Variants in CUL2 observed in about 807,000 individuals in gnomAD.
CUL2 encodes cullin-2.
A neutral mutation model predicts 110.2 loss-of-function variants in CUL2; 22 were observed. The observed-to-expected ratio is 0.20, with a 90% CI of 0.14 to 0.28. The LOEUF (loss-of-function observed/expected upper bound fraction) is 0.28. CUL2 is among the 10% of genes least tolerant of loss of function. The pLI, the probability that CUL2 is intolerant of heterozygous loss-of-function variation, is 1.00. For missense variants in CUL2, 631 were observed against 905.5 expected (o/e 0.70, Z 3.89); for synonymous variants, 279 against 293.2 (o/e 0.95, Z 0.49).
At chr10:35,089,013 TA>T (rs2087133080) in intron 1 of CUL2, among the ~76,000 whole-genome samples, 1 of 152,074 alleles carries the variant, frequency 6.6e-6, no homozygotes, top group South Asian at 2.1e-4. Flanking sequence ...CCATCTCCAC[TA>T]AAAATACAAA....
Position 35,028,234 on chromosome 10 carries a change from T to A in CUL2, c.1617+576A>T, listed in dbSNP as rs1009319603. Reference sequence around the variant, plus strand: ...CTACAATCTCTTTTCAAAGAAGATGTAAGAAGTCCTAATTTAGCCTCCTAT... The same window carrying A: ...CTACAATCTCTTTTCAAAGAAGATGAAAGAAGTCCTAATTTAGCCTCCTAT... On this transcript the variant is annotated intron_variant, in intron 16 of 20. Coordinates refer to ENST00000374749, the MANE Select transcript of CUL2 (RefSeq NM_003591.4). Among the ~76,000 whole-genome samples the A allele has an allele frequency of 1.3e-4, 20 of 152,350 alleles. No individual in the cohort carries two copies. In the East Asian group the frequency reaches 2.9e-3, roughly 22 times the overall value.
intron 19 of CUL2, 23 bp from the exon 20 acceptor site, chr10:35,011,987 A>G (rs1269864343): frequency 7.1e-7 from 1 of 1,404,848 alleles, no homozygotes; most frequent in South Asian, 1.2e-5. Flanking sequence ...AGAAAAGAAA[A>G]AAGACCCAAC....
chr10:35,071,864 G>C (rs1275132328), intron 1 of CUL2, among the ~76,000 whole-genome samples: 1 of 152,158 alleles, frequency 6.6e-6, no homozygotes, highest in African/African-American at 2.4e-5. Flanking sequence ...CAAGCTCTAG[G>C]AAATGGAAAG....
At chr10:35,077,680 G>A (rs929857937) in intron 1 of CUL2, among the ~76,000 whole-genome samples, 4 of 151,524 alleles carry the variant, frequency 2.6e-5, no homozygotes, top group Non-Finnish European at 4.4e-5. Flanking sequence ...AGCCGGGCAC[G>A]GTGGCACATG....
chr10:35,065,381 G>A (rs2086491236), intron 2 of CUL2, among the ~76,000 whole-genome samples: 1 of 152,178 alleles, frequency 6.6e-6, no homozygotes, highest in Admixed American at 6.5e-5. Flanking sequence ...AGCACTTTAG[G>A]AGGCCAAGGT....
chr10:35,031,073 G>A lies in CUL2; in HGVS notation c.1386+227C>T, dbSNP rs2085469921. ...TTTTAGGTGTATTCATTTATAAGTA[G>A]TAATAATCTTTTATCATTAATACTG... On this transcript the variant is annotated intron_variant, in intron 14 of 20. Transcript: ENST00000374749. The surrounding 1 kb of genome is among the most constrained non-coding windows in gnomAD (Gnocchi z 4.4). Among the ~76,000 whole-genome samples the A allele has an allele frequency of 6.6e-6, 1 of 152,136 alleles. No individual in the cohort carries two copies. Among genetic ancestry groups the A allele is most frequent in the Non-Finnish European group, 1.5e-5 (1 of 68,026 alleles).
intron 1 of CUL2, among the ~76,000 whole-genome samples, chr10:35,079,175 T>G (rs181338774): frequency 6.6e-6 from 1 of 152,194 alleles, no homozygotes; most frequent in Admixed American, 6.5e-5. Flanking sequence ...CAGTAAGATA[T>G]AACAATTATA....
intron 1 of CUL2, among the ~76,000 whole-genome samples, chr10:35,101,267 G>A (rs533455807): frequency 1.1e-4 from 17 of 152,294 alleles, no homozygotes; most frequent in South Asian, 2.1e-4. Context: ...ACCTGATGCC[G>A]CTGGCAATAG....
intron 16 of CUL2, among the ~76,000 whole-genome samples, chr10:35,026,638 C>T (rs772446986): frequency 3.2e-4 from 49 of 152,108 alleles, no homozygotes; most frequent in Non-Finnish European, 4.3e-4. Flanking sequence ...TTCATCCTTA[C>T]ATTTAAAATC....
chr10:35,121,649 C>T (rs761812406), intron 1 of CUL2, among the ~76,000 whole-genome samples: 16 of 151,892 alleles, frequency 1.1e-4, no homozygotes, highest in Non-Finnish European at 2.1e-4. Context: ...TTCCTCATGC[C>T]TTTCTTCTCC....
In CUL2 at chr10:35,038,992, G is replaced by A. The variant is rs200104650; in HGVS notation, c.805C>T (p.Arg269Ter). The change falls in exon 9 of 21, where the codon CGA becomes TGA. Residue 269 changes from arginine to a stop codon, truncating the protein, a stop_gained. Coordinates refer to ENST00000374749, the MANE Select transcript of CUL2 (RefSeq NM_003591.4). LOFTEE classifies it high-confidence loss of function. The stretch of plus-strand genomic sequence containing the variant: ...AACTGTAAGTGGTCTGCTACCATTC[G>A]TTGTTGACATTCATGAATCACCTTA... ...YTKVIHECQQ[R>*]MVADHLQFLH... is the part of the protein sequence containing the mutation. The A allele has an allele frequency of 1.2e-6, 2 of 1,609,486 alleles. No homozygotes were observed. Among genetic ancestry groups the A allele is most frequent in the Admixed American group, 1.7e-5 (1 of 59,688 alleles).
At chr10:35,043,774 T>G (rs2085860278) in intron 8 of CUL2, among the ~76,000 whole-genome samples, 1 of 152,106 alleles carries the variant, frequency 6.6e-6, no homozygotes, top group Non-Finnish European at 1.5e-5. Context: ...AGTGATCAAT[T>G]AAAATTTCTT....
intron 1 of CUL2, among the ~76,000 whole-genome samples, chr10:35,122,152 G>A (rs2087685539): frequency 6.6e-6 from 1 of 152,084 alleles, no homozygotes; most frequent in African/African-American, 2.4e-5. Context: ...TTTAAATTGG[G>A]CACACTATCT....
At chr10:35,060,527 G>A (rs930745411) in intron 4 of CUL2, among the ~76,000 whole-genome samples, 1 of 152,174 alleles carries the variant, frequency 6.6e-6, no homozygotes, top group African/African-American at 2.4e-5. Flanking sequence ...ATATCGAGGG[G>A]ACATGAGCTG....
At chr10:35,052,206 ATTAAGCATCTGTCT>A (rs1417584364) in intron 5 of CUL2, among the ~76,000 whole-genome samples, 2 of 152,148 alleles carry the variant, frequency 1.3e-5, no homozygotes, top group African/African-American at 4.8e-5. Flanking sequence ...TCCATTGGTA[ATTAAGCATCTGTCT>A]TCCCACAAGG....
intron 4 of CUL2, among the ~76,000 whole-genome samples, chr10:35,055,910 C>T (rs187955732): frequency 2.0e-5 from 3 of 152,230 alleles, no homozygotes; most frequent in Admixed American, 2.0e-4. Context: ...CCTAAGTGCC[C>T]CATCCCAGAT....
chr10:35,015,026 C>T (rs1297961770), intron 18 of CUL2, among the ~76,000 whole-genome samples: 5 of 152,046 alleles, frequency 3.3e-5, no homozygotes, highest in Non-Finnish European at 5.9e-5. Context: ...CAGTGGCTCA[C>T]GCCTGTAATC....
At chr10:35,070,693 A>G (rs1395413155) in intron 2 of CUL2, among the ~76,000 whole-genome samples, 2 of 151,954 alleles carry the variant, frequency 1.3e-5, no homozygotes, top group East Asian at 3.9e-4. Context: ...CAGCAAGCAC[A>G]CTCTTCCCCC....
chr10:35,039,624 G>A (rs1199054911), intron 8 of CUL2, among the ~76,000 whole-genome samples: 1 of 152,220 alleles, frequency 6.6e-6, no homozygotes, highest in Non-Finnish European at 1.5e-5. Context: ...CAGTACTTTG[G>A]GAGGCCAAGG....
Sources: allele counts gnomAD v4.1 joint callset (sites outside exome capture counted in the v4.1 genomes callset), GRCh38; gene constraint gnomAD v4.1.1; non-coding constraint Gnocchi (gnomAD v3.1); transcripts MANE v1.5; gene names NCBI Gene and HGNC (gene_info 2026-07-23, HGNC 2026-07-21).